CD96: variants seen among roughly 807,000 people sequenced by gnomAD.
CD96 encodes the protein CD96 molecule, also known as T-cell surface protein tactile.
CD96 carries 70 observed loss-of-function variants against 71.3 expected under a neutral mutation model. The ratio of observed to expected loss-of-function variants is 0.98; its 90% CI spans 0.81 to 1.20. The LOEUF (loss-of-function observed/expected upper bound fraction) is 1.20, where lower values mean the gene tolerates loss of function less well. Ranked by LOEUF, CD96 falls within the 50% of genes most tolerant of loss-of-function variation. The pLI, the probability that CD96 is intolerant of heterozygous loss-of-function variation, is 0.00. For synonymous variants in CD96, 248 were observed against 233.0 expected (o/e 1.06, Z -0.59); for missense variants, 742 against 677.5 (o/e 1.10, Z -1.06).
At chr3:111,572,130 C>T (rs1417827174) in intron 3 of CD96, among the ~76,000 whole-genome samples, 3 of 152,134 alleles carry the variant, frequency 2.0e-5, no homozygotes, top group Admixed American at 2.0e-4. Flanking sequence ...TGTATCTACC[C>T]GCACGTACAA....
chr3:111,659,020 T>G (rs1223601414), intron 14 of CD96, among the ~76,000 whole-genome samples: 1 of 152,162 alleles, frequency 6.6e-6, no homozygotes, highest in African/African-American at 2.4e-5. Flanking sequence ...GTCCAGGGCT[T>G]CTTTTGCTTT....
chr3:111,570,822 G>A, intron 3 of CD96: 1 of 1,613,350 alleles, frequency 6.2e-7, no homozygotes, highest in South Asian at 1.1e-5. Flanking sequence ...CACCGGGATG[G>A]GGGACCCCAG....
chr3:111,612,820 T>G (rs1346318267), intron 8 of CD96: 1 of 967,110 alleles, frequency 1.0e-6, no homozygotes, highest in Non-Finnish European at 1.2e-6. Context: ...TCTCCCTTTT[T>G]CAGACCAGTG....
chr3:111,565,462 TG>T (rs553941587), intron 2 of CD96, among the ~76,000 whole-genome samples: 75 of 152,254 alleles, frequency 4.9e-4, no homozygotes, highest in Middle Eastern at 3.4e-3. Flanking sequence ...ATTTGACTGA[TG>T]TTCATTAAAA....
chr3:111,555,532 C>T (rs567144795), intron 2 of CD96, among the ~76,000 whole-genome samples: 115 of 152,380 alleles, frequency 7.5e-4, no homozygotes, highest in Non-Finnish European at 1.4e-3. Context: ...ATCTTTCGAT[C>T]GCCATTATTT....
At position 111,562,412 on chromosome 3, in the gene CD96, T is replaced by A. The variant is rs867137977; in HGVS notation, c.419-5111T>A. On this transcript the variant is annotated intron_variant, in intron 2 of 13. Coordinates refer to ENST00000352690, the MANE Select transcript of CD96 (RefSeq NM_005816.5). Reference sequence around the variant, plus strand: ...ATATATTTATAGACAGACTATAGAATATATATATATGTTGCAACTCTATAT... The same window carrying A: ...ATATATTTATAGACAGACTATAGAAAATATATATATGTTGCAACTCTATAT... Among the ~76,000 whole-genome samples, 4 of 152,002 alleles carry A rather than the reference T, an allele frequency of 2.6e-5. No homozygotes were observed. The Middle Eastern group carries it at 0.01, about 388-fold the overall frequency.
rs1233345476 is a variant in CD96, at chr3:111,594,370, TG to T, written c.808-3749del. 23 of 742,014 alleles carry T rather than the reference TG, an allele frequency of 3.1e-5. No individual in the cohort carries two copies. In the East Asian group the frequency reaches 4.9e-4, roughly 16 times the overall value. 46.0% of individuals were successfully genotyped at this position (742,014 alleles called of 1,614,324 possible). A position where few individuals can be genotyped will look rare whatever the true frequency, so the allele number is the denominator to read the frequency against. On this transcript the variant is annotated intron_variant, in intron 5 of 13. Coordinates refer to ENST00000352690, the MANE Select transcript of CD96 (RefSeq NM_005816.5). Reference sequence around the variant, plus strand: ...GGGTGGTGTGAGGTTTCTTCCTTTCTGCTTCACTGGAGAGTCAGGGGTGAGT... The same window carrying T: ...GGGTGGTGTGAGGTTTCTTCCTTTCTCTTCACTGGAGAGTCAGGGGTGAGT...
intron 4 of CD96, among the ~76,000 whole-genome samples, chr3:111,581,774 G>T (rs1410973531): frequency 6.6e-6 from 1 of 152,196 alleles, no homozygotes; most frequent in Admixed American, 6.5e-5. Context: ...TTTGTTAACA[G>T]GAGGTAAGAG....
At chr3:111,600,049 G>A (rs547572254) in intron 6 of CD96, among the ~76,000 whole-genome samples, 109 of 152,252 alleles carry the variant, frequency 7.2e-4, no homozygotes, top group Admixed American at 1.8e-3. Context: ...AGACTCACAG[G>A]ACCCAAAATG....
At chr3:111,653,301 T>C (rs1416502495), downstream of CD96, among the ~76,000 whole-genome samples, 1 of 152,158 alleles carries the variant, frequency 6.6e-6, no homozygotes, top group East Asian at 1.9e-4. Flanking sequence ...GCACATAAGT[T>C]AGATATTATT....
chr3:111,583,644 G>A (rs984964800), intron 4 of CD96, among the ~76,000 whole-genome samples: 1 of 152,228 alleles, frequency 6.6e-6, no homozygotes, highest in African/African-American at 2.4e-5. Context: ...GCACGCACAG[G>A]CTCAACACCA....
intron 14 of CD96, among the ~76,000 whole-genome samples, chr3:111,658,708 G>T (rs553027915): frequency 6.6e-6 from 1 of 152,044 alleles, no homozygotes; most frequent in Non-Finnish European, 1.5e-5. Context: ...TAATACTCTG[G>T]GAAGGATACA....
chr3:111,551,666 G>A (rs995493820), intron 2 of CD96, among the ~76,000 whole-genome samples: 17 of 151,994 alleles, frequency 1.1e-4, no homozygotes, highest in Admixed American at 3.9e-4. Flanking sequence ...CCATCACCCA[G>A]GTATTAAGCC....
chr3:111,637,074 T>C, intron 10 of CD96, 122 bp from the exon 11 acceptor site: 1 of 705,652 alleles, frequency 1.4e-6, no homozygotes, highest in East Asian at 2.7e-5. Flanking sequence ...TGGAACAGTT[T>C]AATGATTTTG....
chr3:111,633,219 G>T (rs1006924236), intron 10 of CD96, among the ~76,000 whole-genome samples: 4 of 152,034 alleles, frequency 2.6e-5, no homozygotes, highest in Non-Finnish European at 2.9e-5. Context: ...AGAGGGATGG[G>T]GGAACCACCA....
chr3:111,555,320 G>A (rs991518035), intron 2 of CD96, among the ~76,000 whole-genome samples: 1 of 152,150 alleles, frequency 6.6e-6, no homozygotes, highest in Non-Finnish European at 1.5e-5. Context: ...ACCATTTTTT[G>A]TGCTCTTTAT....
chr3:111,642,668 A>T (rs867540655), intron 12 of CD96, among the ~76,000 whole-genome samples: 1 of 151,860 alleles, frequency 6.6e-6, no homozygotes, highest in African/African-American at 2.4e-5. Flanking sequence ...TCAGCCAGGT[A>T]TGGTGGCAGG....
At chr3:111,563,988 A>T (rs1417946987) in intron 2 of CD96, among the ~76,000 whole-genome samples, 1 of 152,188 alleles carries the variant, frequency 6.6e-6, no homozygotes, top group South Asian at 2.1e-4. Flanking sequence ...TTCCCTGAGT[A>T]TATTAACTAT....
At chr3:111,598,280 C>T in intron 6 of CD96, 70 bp downstream of exon 6, 2 of 781,068 alleles carry the variant, frequency 2.6e-6, no homozygotes, top group Admixed American at 1.7e-5. Flanking sequence ...TAGAAATTGT[C>T]ATTGCCCAAG....
Sources: gnomAD v4.1 joint callset for allele counts (sites outside exome capture counted in the v4.1 genomes callset) on GRCh38, gnomAD v4.1.1 for gene constraint, MANE v1.5 for transcripts, NCBI Gene and HGNC (gene_info 2026-07-23, HGNC 2026-07-21) for gene names.